CNBD1: variants seen among roughly 807,000 people sequenced by gnomAD.
The protein encoded by CNBD1 is cyclic nucleotide binding domain containing 1.
A neutral mutation model predicts 54.4 loss-of-function variants in CNBD1; 71 were observed. The observed-to-expected ratio is 1.30, with a 90% confidence interval of 1.08 to 1.59. The LOEUF (loss-of-function observed/expected upper bound fraction) is 1.59, where lower values mean the gene tolerates loss of function less well. CNBD1 is among the 40% of genes most tolerant of loss of function. The pLI is 0.00. For synonymous variants in CNBD1, 182 were observed against 170.7 expected, an observed-to-expected ratio of 1.07 and a Z score of -0.51; for missense variants, 659 against 518.0, an observed-to-expected ratio of 1.27 and a Z score of -2.64.
chr8:87,141,980 C>T (rs1458087034), intron 4 of CNBD1, among the ~76,000 whole-genome samples: 2 of 152,106 alleles, frequency 1.3e-5, no homozygotes, highest in Non-Finnish European at 2.9e-5. Flanking sequence ...TAAAAAGACT[C>T]CTTAACTGTG....
intron 4 of CNBD1, among the ~76,000 whole-genome samples, chr8:87,034,257 G>T (rs1460178604): frequency 6.6e-6 from 1 of 152,166 alleles, no homozygotes; most frequent in East Asian, 1.9e-4. Context: ...TGCTCCCAAG[G>T]TATCATAATA....
intron 4 of CNBD1, among the ~76,000 whole-genome samples, chr8:86,946,634 C>T (rs138056135): frequency 3.3e-5 from 5 of 152,112 alleles, no homozygotes; most frequent in African/African-American, 4.8e-5. Context: ...TGTAACAGAA[C>T]GTACTTGTCA....
chr8:87,039,462 G>T (rs1222097313), intron 4 of CNBD1, among the ~76,000 whole-genome samples: 2 of 151,954 alleles, frequency 1.3e-5, no homozygotes, highest in Non-Finnish European at 2.9e-5. Context: ...TGGTTTTTTG[G>T]GGGGGTTGGA....
intron 4 of CNBD1, among the ~76,000 whole-genome samples, chr8:87,171,750 G>T (rs1348269851): frequency 6.6e-6 from 1 of 151,632 alleles, no homozygotes; most frequent in African/African-American, 2.4e-5. Flanking sequence ...GCAATTCTCT[G>T]CCTCAGCCTC....
intron 8 of CNBD1, among the ~76,000 whole-genome samples, chr8:87,301,799 A>C (rs1054652639): frequency 1.3e-5 from 2 of 152,206 alleles, no homozygotes; most frequent in Non-Finnish European, 1.5e-5. Context: ...AAAATGATAA[A>C]GGGGATATCA....
chr8:87,320,740 A>G (rs1809508079), intron 8 of CNBD1, among the ~76,000 whole-genome samples: 1 of 152,058 alleles, frequency 6.6e-6, no homozygotes. Context: ...CATGAGACCT[A>G]TCCTAACAAA....
intron 4 of CNBD1, among the ~76,000 whole-genome samples, chr8:87,201,622 T>C (rs906739195): frequency 6.6e-6 from 1 of 152,032 alleles, no homozygotes; most frequent in African/African-American, 2.4e-5. Context: ...CCATTTAGAA[T>C]ACCCTCAAAG....
Position 86,907,732 on chromosome 8 carries a change from A to G in CNBD1, c.272+2538A>G, listed in dbSNP as rs1053205629. Reference sequence around the variant, plus strand: ...AACTGAATTAAATAGAATTTCCTAAAGTATATTAAGAAAATTGTGAATTTT... The same window carrying G: ...AACTGAATTAAATAGAATTTCCTAAGGTATATTAAGAAAATTGTGAATTTT... On this transcript the variant is annotated intron_variant, in intron 3 of 10. Coordinates refer to ENST00000518476, the MANE Select transcript of CNBD1 (RefSeq NM_173538.3). Among the ~76,000 whole-genome samples the G allele has an allele frequency of 2.0e-5, 3 of 152,140 alleles. No individual in the cohort carries two copies. The South Asian group carries it at 6.2e-4, about 31-fold the overall frequency.
chr8:87,314,005 T>A (rs1457833056), intron 8 of CNBD1, among the ~76,000 whole-genome samples: 1 of 151,860 alleles, frequency 6.6e-6, no homozygotes, highest in Non-Finnish European at 1.5e-5. Flanking sequence ...ATTGGAGAGA[T>A]CCCTCCAGAG....
intron 9 of CNBD1, 115 bp from the exon 10 acceptor site, chr8:87,353,521 T>G: frequency 4.6e-6 from 3 of 649,248 alleles, no homozygotes; most frequent in Non-Finnish European, 7.6e-6. Flanking sequence ...AATTGCTAAT[T>G]TATTTTAAAT....
In CNBD1 at chr8:87,294,715, T is replaced by G. The variant is rs554551289; in HGVS notation, c.1042+8044T>G. ...TTCCCTTTACTCTTACTTTTGTCAT[T>G]AAAACTCAAGCACTTTGACTACTGC... On this transcript the variant is annotated intron_variant, in intron 8 of 10. Transcript: ENST00000518476. Among the ~76,000 whole-genome samples, 4 of 152,310 alleles carry G rather than the reference T, an allele frequency of 2.6e-5. No homozygotes were observed. The East Asian group carries it at 7.7e-4, about 29-fold the overall frequency.
chr8:87,168,551 A>G (rs750537171), intron 4 of CNBD1, among the ~76,000 whole-genome samples: 2 of 151,926 alleles, frequency 1.3e-5, no homozygotes, highest in Non-Finnish European at 2.9e-5. Context: ...ATACCCATTA[A>G]CCATCCCTAC....
chr8:87,386,673 A>G (rs980359900), downstream of CNBD1, among the ~76,000 whole-genome samples: 1 of 152,238 alleles, frequency 6.6e-6, no homozygotes, highest in African/African-American at 2.4e-5. Flanking sequence ...ACCAAGTTGG[A>G]AAACACTCTG....
intron 4 of CNBD1, among the ~76,000 whole-genome samples, chr8:87,121,681 A>G (rs1403205086): frequency 6.6e-6 from 1 of 151,640 alleles, no homozygotes; most frequent in African/African-American, 2.4e-5. Flanking sequence ...TGTACTCCCA[A>G]TCAGCTCTTG....
chr8:86,968,676 G>C (rs1808148925), intron 4 of CNBD1, among the ~76,000 whole-genome samples: 1 of 152,176 alleles, frequency 6.6e-6, no homozygotes, highest in Non-Finnish European at 1.5e-5. Flanking sequence ...GGACAGAATG[G>C]TTGCATCCTT....
chr8:87,372,519 A>G (rs16899227), intron 10 of CNBD1, among the ~76,000 whole-genome samples: 4,910 of 152,008 alleles, frequency 0.032, 110 homozygotes, highest in Non-Finnish European at 0.048. Flanking sequence ...TTTCTGTTTT[A>G]GAGTCACCAT....
intron 4 of CNBD1, among the ~76,000 whole-genome samples, chr8:86,940,999 T>A (rs1809645523): frequency 6.6e-6 from 1 of 152,228 alleles, no homozygotes; most frequent in African/African-American, 2.4e-5. Flanking sequence ...TACTCTATGA[T>A]GTTTACAGAA....
intron 4 of CNBD1, among the ~76,000 whole-genome samples, chr8:87,147,288 A>C (rs1812510155): frequency 6.6e-6 from 1 of 152,224 alleles, no homozygotes; most frequent in East Asian, 1.9e-4. Flanking sequence ...CCAGAATATA[A>C]CATCCATGAG....
At chr8:87,411,737 G>C (rs764566218) in intron 2 of CNBD1, among the ~76,000 whole-genome samples, 2 of 149,880 alleles carry the variant, frequency 1.3e-5, no homozygotes, top group Non-Finnish European at 3.0e-5. Context: ...ACCAAGTTAT[G>C]TACTGAAAGG....
Sources: allele counts gnomAD v4.1 joint callset (sites outside exome capture counted in the v4.1 genomes callset), GRCh38; gene constraint gnomAD v4.1.1; transcripts MANE v1.5; gene names NCBI Gene and HGNC (gene_info 2026-07-23, HGNC 2026-07-21).